PWWP3B: variants seen among roughly 807,000 people sequenced by gnomAD.
PWWP3B encodes PWWP domain-containing DNA repair factor 3B.
A neutral mutation model predicts 15.7 loss-of-function variants in PWWP3B; 5 were observed. That is an observed-to-expected ratio of 0.32 (90% CI 0.17 to 0.67). The LOEUF (loss-of-function observed/expected upper bound fraction) is 0.67. Ranked by LOEUF, PWWP3B falls within the 30% of genes least tolerant of loss-of-function variation. PWWP3B has a pLI of 0.74. For missense variants in PWWP3B, 519 were observed against 493.1 expected (o/e 1.05, Z -0.50); for synonymous variants, 203 against 179.8 (o/e 1.13, Z -1.03).
intron 2 of PWWP3B, among the ~76,000 whole-genome samples, chrX:106,198,903 TATAAAATATATA>T (rs768191669): frequency 1.5e-3 from 163 of 111,251 alleles, no homozygotes; most frequent in Admixed American, 4.6e-3. Context: ...AATACTGCAT[TATAAAATATATA>T]ATAAAATAAA....
chrX:106,177,776 T>C (rs1302283833), intron 2 of PWWP3B, among the ~76,000 whole-genome samples: 1 of 111,905 alleles, frequency 8.9e-6, no homozygotes. Context: ...TACATGAACA[T>C]GGAAAGGGAT....
chrX:106,189,153 T>C (rs1922709870), intron 2 of PWWP3B, among the ~76,000 whole-genome samples: 3 of 112,461 alleles, frequency 2.7e-5, no homozygotes, highest in African/African-American at 3.2e-5. Flanking sequence ...ACATCATTGC[T>C]AGAAGTCGAT....
At chrX:106,176,240 C>T (rs1569357604) in intron 2 of PWWP3B, among the ~76,000 whole-genome samples, 1 of 111,215 alleles carries the variant, frequency 9.0e-6, no homozygotes, top group Non-Finnish European at 1.9e-5. Context: ...ATTACAGGCA[C>T]CCACCAACAC....
chrX:106,204,833 T>C (rs1923897094), intron 3 of PWWP3B, among the ~76,000 whole-genome samples: 1 of 111,798 alleles, frequency 8.9e-6, no homozygotes, highest in Non-Finnish European at 1.9e-5. Context: ...GTCCTTCAGA[T>C]GATTCTGACA....
Position 106,205,877 on chromosome X carries a change from G to A in PWWP3B, c.445G>A (p.Glu149Lys), listed in dbSNP as rs1923974430. 5.0e-6 allele frequency: 6 copies of A among 1,211,391 alleles called. No homozygotes were observed. The stretch of plus-strand genomic sequence containing the variant: ...CTTACCAGGGTGTCTTGAGGAAAGG[G>A]AAAACTCAGCATGCTTGTTAGCATC... ...GDLPGCLEER[E>K]NSACLLASSE... is the part of the protein sequence containing the mutation. The change falls in exon 4 of 4, where the codon GAA (glutamate) becomes AAA (lysine). Residue 149 changes from glutamate to lysine, a missense_variant. By Grantham distance (56) the Glu-to-Lys change is moderately conservative. Transcript: ENST00000357175.
chrX:106,179,008 G>A (rs1013298388), intron 2 of PWWP3B, among the ~76,000 whole-genome samples: 2 of 111,712 alleles, frequency 1.8e-5, no homozygotes, highest in African/African-American at 6.5e-5. Flanking sequence ...AGTTCCCACC[G>A]TTCTCCCACA....
Position 106,207,324 on chromosome X carries a change from ATAAAAT to A in PWWP3B, c.1897_1902del (p.Ile633_Lys634del). On this transcript the variant is annotated inframe_deletion, in exon 4 of 4. Transcript: ENST00000357175. The stretch of plus-strand genomic sequence containing the variant: ...ATAATGCCAACTTGGATAAAAGATG[ATAAAAT>A]TAAATTTATCCTAGAAGTTCTTCTG... 8.3e-7 allele frequency: 1 copy of A among 1,201,761 alleles called. No homozygotes were observed. Among genetic ancestry groups the A allele is most frequent in the Non-Finnish European group, 1.1e-6 (1 of 889,823 alleles).
rs1254592829 is a variant in PWWP3B at position 106,169,148 on chromosome X, T to C, written c.-529+723T>C. Among the ~76,000 whole-genome samples, 33 of 111,613 alleles carry C rather than the reference T, an allele frequency of 3.0e-4. 1 individual carries two copies. The highest frequency in any genetic ancestry group is 1.9e-5 in the Non-Finnish European group (1 of 53,147). ...AAAAGGAGGAAATTTTCCACTTCTT[T>C]CTTCCACATTTTACTTAGCATGTAG... is the stretch of plus-strand genomic sequence containing the variant. On this transcript the variant is annotated intron_variant, in intron 1 of 3. Coordinates refer to ENST00000357175, the MANE Select transcript of PWWP3B (RefSeq NM_001171020.2).
At chrX:106,171,971 A>C (rs1186054699) in intron 2 of PWWP3B, among the ~76,000 whole-genome samples, 1 of 111,848 alleles carries the variant, frequency 8.9e-6, no homozygotes, top group African/African-American at 3.3e-5. Flanking sequence ...ATACTAAAAT[A>C]AGATTAAAAA....
At chrX:106,187,011 T>C (rs925060659) in intron 2 of PWWP3B, among the ~76,000 whole-genome samples, 3 of 111,831 alleles carry the variant, frequency 2.7e-5, no homozygotes. Flanking sequence ...GACAGAAAAG[T>C]TCTCCAAGTC....
intron 2 of PWWP3B, among the ~76,000 whole-genome samples, chrX:106,189,392 C>T (rs959175870): frequency 2.7e-5 from 3 of 109,575 alleles, no homozygotes; most frequent in African/African-American, 1.0e-4. Context: ...CCCCCCACCA[C>T]ACAACAGTCC....
chrX:106,196,435 G>T (rs774844266), intron 2 of PWWP3B, among the ~76,000 whole-genome samples: 32 of 111,319 alleles, frequency 2.9e-4, no homozygotes, highest in Non-Finnish European at 5.3e-4. Flanking sequence ...TTGTTTTTTT[G>T]TAGATGTCTT....
At chrX:106,192,279 T>C (rs1334697758) in intron 2 of PWWP3B, among the ~76,000 whole-genome samples, 2 of 111,799 alleles carry the variant, frequency 1.8e-5, no homozygotes, top group East Asian at 5.6e-4. Flanking sequence ...GGGGGATGTA[T>C]GTGTCGAGGA....
chrX:106,175,235 T>TA (rs1921827165), intron 2 of PWWP3B, among the ~76,000 whole-genome samples: 1 of 99,933 alleles, frequency 1.0e-5, no homozygotes, highest in African/African-American at 3.7e-5. Flanking sequence ...TGGGGTTATT[T>TA]CTTTTTTTTT....
At chrX:106,175,078 G>A (rs1921815065) in intron 2 of PWWP3B, among the ~76,000 whole-genome samples, 1 of 107,967 alleles carries the variant, frequency 9.3e-6, no homozygotes, top group African/African-American at 3.4e-5. Flanking sequence ...CATAGTGCAT[G>A]AAAATACTTT....
rs1441290454 is a variant in PWWP3B at position 106,208,063 on chromosome X, C to T, written c.*540C>T. ...TGCTATATAGAACCAAAGATAGATT[C>T]GCTTTGCTATATATTATAACTATAC... On this transcript the variant is annotated 3_prime_UTR_variant, in exon 4 of 4. Coordinates refer to ENST00000357175, the MANE Select transcript of PWWP3B (RefSeq NM_001171020.2). The T allele has an allele frequency of 1.6e-5, 2 of 123,589 alleles. No individual in the cohort carries two copies. Among genetic ancestry groups the T allele is most frequent in the Non-Finnish European group, 3.7e-5 (2 of 53,361 alleles). The allele number at this position is 123,589 out of a possible 1,213,427, so 10.2% of individuals were successfully genotyped here.
At chrX:106,173,481 C>T (rs948261284) in intron 2 of PWWP3B, among the ~76,000 whole-genome samples, 1 of 111,191 alleles carries the variant, frequency 9.0e-6, no homozygotes, top group African/African-American at 3.3e-5. Flanking sequence ...ATATTCTCAT[C>T]GTCTACCTTC....
intron 1 of PWWP3B, among the ~76,000 whole-genome samples, chrX:106,170,601 T>G (rs1285217107): frequency 8.9e-6 from 1 of 111,786 alleles, no homozygotes; most frequent in Non-Finnish European, 1.9e-5. Context: ...TGTTTTGTAT[T>G]AGCCGACTAT....
intron 2 of PWWP3B, among the ~76,000 whole-genome samples, chrX:106,183,794 T>C (rs142992197): frequency 0.025 from 2,844 of 111,736 alleles, 36 homozygotes; most frequent in Non-Finnish European, 0.041. Flanking sequence ...GTTAAACATA[T>C]CCGGGGCTCA....
Sources: gnomAD v4.1 joint callset for allele counts (sites outside exome capture counted in the v4.1 genomes callset) on GRCh38, gnomAD v4.1.1 for gene constraint, MANE v1.5 for transcripts, NCBI Gene and HGNC (gene_info 2026-07-23, HGNC 2026-07-21) for gene names.